Variants in POU2F2 observed in about 807,000 individuals in gnomAD.
POU2F2 encodes the protein POU class 2 homeobox 2.
Under a neutral mutation model 63.5 loss-of-function variants are expected in POU2F2, and 14 were observed. That is an observed-to-expected ratio of 0.22 (90% confidence interval 0.15 to 0.34). The LOEUF is 0.34. Among genes scored for constraint, POU2F2 ranks in the 10% least tolerant of loss-of-function variants. The pLI is 1.00. For synonymous variants in POU2F2, 306 were observed against 348.6 expected, an observed-to-expected ratio of 0.88 and a Z score of 1.36; for missense variants, 607 against 815.2, an observed-to-expected ratio of 0.74 and a Z score of 3.11.
At chr19:42,106,193 C>G (rs2029954011) in intron 5 of POU2F2, among the ~76,000 whole-genome samples, 1 of 151,908 alleles carries the variant, frequency 6.6e-6, no homozygotes, top group Non-Finnish European at 1.5e-5. Flanking sequence ...GCAACCTCTG[C>G]CTCCCGGGTT....
chr19:42,174,833 C>T (rs561149437), intron 1 of POU2F2, among the ~76,000 whole-genome samples: 1 of 152,152 alleles, frequency 6.6e-6, no homozygotes, highest in Admixed American at 6.5e-5. Flanking sequence ...GACAAATCCA[C>T]CTGACAAGAT....
chr19:42,107,354 CA>C (rs901797343), intron 5 of POU2F2, among the ~76,000 whole-genome samples: 3 of 151,268 alleles, frequency 2.0e-5, no homozygotes, highest in African/African-American at 4.9e-5. Flanking sequence ...GACTCCGTCT[CA>C]AAAAAAATTA....
At chr19:42,135,055 G>T (rs1008417859), upstream of POU2F2, among the ~76,000 whole-genome samples, 1 of 152,024 alleles carries the variant, frequency 6.6e-6, no homozygotes, top group African/African-American at 2.4e-5. Context: ...CTGTGGCTCA[G>T]TTCCCCAGCC....
intron 5 of POU2F2, among the ~76,000 whole-genome samples, chr19:42,110,347 G>A (rs958095036): frequency 6.6e-6 from 1 of 152,200 alleles, no homozygotes; most frequent in Non-Finnish European, 1.5e-5. Context: ...GACACTCTGA[G>A]TAATCTCAGT....
intron 1 of POU2F2, among the ~76,000 whole-genome samples, chr19:42,130,880 A>T (rs2033647117): frequency 1.5e-5 from 2 of 137,726 alleles, no homozygotes. Context: ...CCCTCTACCT[A>T]TGTCCCCCTA....
chr19:42,128,944 T>G (rs1267926787), intron 1 of POU2F2, among the ~76,000 whole-genome samples: 1 of 152,070 alleles, frequency 6.6e-6, no homozygotes, highest in Admixed American at 6.5e-5. Context: ...GCGATTCTCC[T>G]GCCTCAGCCT....
In POU2F2 at chr19:42,153,927, T is replaced by C. The variant is rs894886425; in HGVS notation, c.-9+6405A>G. Among the ~76,000 whole-genome samples the C allele has an allele frequency of 1.3e-5, 2 of 152,104 alleles. No homozygotes were observed. Among genetic ancestry groups the C allele is most frequent in the African/African-American group, 4.8e-5 (2 of 41,396 alleles). ...TCAGGGCCTGCCTGCCTTCTTTCCC[T>C]TCCCTGCCAGAGACCCCAGACCCCT... On this transcript the variant is annotated intron_variant, in intron 2 of 6. Transcript: ENST00000524801. This position sits in a 1 kb window ranked among gnomAD's most constrained non-coding sequence, Gnocchi z 5.6.
At chr19:42,103,149 C>T (rs1442840293) in intron 5 of POU2F2, among the ~76,000 whole-genome samples, 1 of 152,166 alleles carries the variant, frequency 6.6e-6, no homozygotes, top group Non-Finnish European at 1.5e-5. Flanking sequence ...AAGTCACCCT[C>T]TCAGAGATGC....
intron 2 of POU2F2, among the ~76,000 whole-genome samples, chr19:42,147,875 T>C (rs564731171): frequency 6.6e-6 from 1 of 152,022 alleles, no homozygotes; most frequent in African/African-American, 2.4e-5. Flanking sequence ...TCAGGTGACA[T>C]TGTGTTTTGT....
chr19:42,111,234 C>T (rs1303111846), intron 5 of POU2F2, among the ~76,000 whole-genome samples: 3 of 152,154 alleles, frequency 2.0e-5, no homozygotes, highest in African/African-American at 7.2e-5. Flanking sequence ...CCTCCTGCCT[C>T]AGCCTCTCAA....
At chr19:42,160,752 G>C (rs939807335) in intron 1 of POU2F2, among the ~76,000 whole-genome samples, 4 of 152,244 alleles carry the variant, frequency 2.6e-5, no homozygotes, top group African/African-American at 9.6e-5. Context: ...TGCTCAATTA[G>C]TGCATAACGG....
At chr19:42,128,919 GC>G (rs2033447666) in intron 1 of POU2F2, among the ~76,000 whole-genome samples, 1 of 151,454 alleles carries the variant, frequency 6.6e-6, no homozygotes, top group Non-Finnish European at 1.5e-5. Flanking sequence ...TGCAACCTTT[GC>G]CTCCTGGGTT....
At chr19:42,109,808 G>A (rs2031464651) in intron 5 of POU2F2, among the ~76,000 whole-genome samples, 1 of 152,040 alleles carries the variant, frequency 6.6e-6, no homozygotes. Context: ...GGCAAGAAGA[G>A]TACTTTAAAT....
At chr19:42,166,518 T>C (rs984784269) in intron 1 of POU2F2, among the ~76,000 whole-genome samples, 8 of 152,168 alleles carry the variant, frequency 5.3e-5, no homozygotes, top group Admixed American at 3.3e-4. Flanking sequence ...GTGATGTGAC[T>C]CAAAGCCGGG....
chr19:42,133,334 C>T (rs1223585624), upstream of POU2F2: 1 of 152,250 alleles, frequency 6.6e-6, no homozygotes, highest in East Asian at 1.9e-4. This position sits in a 1 kb window ranked among gnomAD's most constrained non-coding sequence, Gnocchi z 5.1. Flanking sequence ...CCCCAACACC[C>T]TCCCAACACC....
At chr19:42,188,124 G>A (rs1159742965) in intron 1 of POU2F2, among the ~76,000 whole-genome samples, 1 of 151,960 alleles carries the variant, frequency 6.6e-6, no homozygotes, top group African/African-American at 2.4e-5. Flanking sequence ...CGGCACTTTC[G>A]GAGACCAAGG....
At chr19:42,150,657 C>T (rs937347959) in intron 2 of POU2F2, among the ~76,000 whole-genome samples, 4 of 151,914 alleles carry the variant, frequency 2.6e-5, no homozygotes, top group African/African-American at 9.7e-5. Flanking sequence ...CCCCTCCCTG[C>T]CTCCTGCCCT....
intron 1 of POU2F2, among the ~76,000 whole-genome samples, chr19:42,168,679 G>C (rs1032126248): frequency 1.3e-5 from 2 of 152,218 alleles, no homozygotes; most frequent in Non-Finnish European, 2.9e-5. Flanking sequence ...ACATGCCAGA[G>C]GAGTTTTCTA....
Position 42,142,119 on chromosome 19 carries a change from T to A in POU2F2, c.-9+18213A>T, listed in dbSNP as rs139086087. Among the ~76,000 whole-genome samples, 8 of 152,338 alleles carry A rather than the reference T, an allele frequency of 5.3e-5. No homozygotes were observed. In the East Asian group the frequency reaches 1.3e-3, roughly 26 times the overall value. The stretch of plus-strand genomic sequence containing the variant: ...TGTATCTTTTCTATGGGCGTACAAG[T>A]ATTAAGCAAATGCAGAAAAAATGGT... On this transcript the variant is annotated intron_variant, in intron 2 of 6. Transcript: ENST00000524801.
Sources: gnomAD v4.1 joint callset for allele counts (sites outside exome capture counted in the v4.1 genomes callset) on GRCh38, gnomAD v4.1.1 for gene constraint, Gnocchi (gnomAD v3.1) non-coding constraint, MANE v1.5 for transcripts, NCBI Gene and HGNC (gene_info 2026-07-23, HGNC 2026-07-21) for gene names.